PTPRG: variants seen among roughly 807,000 people sequenced by gnomAD.
The protein encoded by PTPRG is receptor-type tyrosine-protein phosphatase gamma.
Under a neutral mutation model 165.3 loss-of-function variants are expected in PTPRG, and 102 were observed. That is an observed-to-expected ratio of 0.62 (90% confidence interval 0.53 to 0.73). PTPRG has a LOEUF of 0.73. Among genes scored for constraint, PTPRG ranks in the 30% least tolerant of loss-of-function variants. The pLI is 0.00. For synonymous variants in PTPRG, 675 were observed against 669.5 expected (o/e 1.01, Z -0.13); for missense variants, 1,866 against 1,861.4 (o/e 1.00, Z -0.05).
chr3:62,189,888 G>A (rs1439905989), intron 8 of PTPRG, among the ~76,000 whole-genome samples: 2 of 152,298 alleles, frequency 1.3e-5, no homozygotes, highest in Middle Eastern at 3.4e-3. Flanking sequence ...TGCCCTGCCT[G>A]CCTGTCTTTT....
chr3:61,676,945 A>G (rs1703253899), intron 1 of PTPRG, among the ~76,000 whole-genome samples: 1 of 152,096 alleles, frequency 6.6e-6, no homozygotes, highest in Admixed American at 6.5e-5. Context: ...ACAATACATT[A>G]AGAATCACTA....
chr3:61,688,523 G>A (rs545339377), intron 1 of PTPRG, among the ~76,000 whole-genome samples: 24 of 152,348 alleles, frequency 1.6e-4, no homozygotes, highest in African/African-American at 4.1e-4. Flanking sequence ...GTTGCACGGC[G>A]GGGAAGGCTC....
chr3:61,993,310 C>T (rs569586498), intron 3 of PTPRG, among the ~76,000 whole-genome samples: 6 of 151,572 alleles, frequency 4.0e-5, no homozygotes, highest in East Asian at 2.0e-4. Context: ...CTCCGCCTCC[C>T]GGGTTTAAGC....
At chr3:62,276,887 T>C (rs1702249196) in intron 24 of PTPRG, 85 bp from the exon 25 acceptor site, 6 of 1,000,770 alleles carry the variant, frequency 6.0e-6, no homozygotes, top group Middle Eastern at 2.1e-4. Context: ...GGATATGTTA[T>C]TCATCAAGCA....
chr3:61,838,227 A>C (rs2036527583), intron 2 of PTPRG, among the ~76,000 whole-genome samples: 1 of 152,224 alleles, frequency 6.6e-6, no homozygotes, highest in East Asian at 1.9e-4. Context: ...TGTGAGAAAT[A>C]GTTAAATGGG....
At chr3:62,170,456 A>C (rs76976985) in intron 8 of PTPRG, among the ~76,000 whole-genome samples, 1,633 of 152,234 alleles carry the variant, frequency 0.011, 31 homozygotes, top group African/African-American at 0.038. Context: ...TTTCCTGAAA[A>C]AATGGGCCAA....
intron 5 of PTPRG, among the ~76,000 whole-genome samples, chr3:62,112,433 A>G (rs947616839): frequency 6.6e-6 from 1 of 152,194 alleles, no homozygotes; most frequent in Admixed American, 6.5e-5. Context: ...CTATGCCTTT[A>G]GGCAAACATT....
chr3:62,067,197 G>C (rs1474067698), intron 4 of PTPRG, among the ~76,000 whole-genome samples: 2 of 152,028 alleles, frequency 1.3e-5, no homozygotes, highest in Non-Finnish European at 2.9e-5. Context: ...TTGACAGGGG[G>C]TGTAGGACAG....
intron 15 of PTPRG, among the ~76,000 whole-genome samples, chr3:62,247,654 G>A (rs1008981250): frequency 6.6e-6 from 1 of 152,120 alleles, no homozygotes; most frequent in Non-Finnish European, 1.5e-5. Flanking sequence ...ACAGGTCTGT[G>A]TGATTTAAAT....
intron 14 of PTPRG, among the ~76,000 whole-genome samples, chr3:62,239,886 A>G (rs1013058144): frequency 1.4e-4 from 21 of 152,156 alleles, no homozygotes; most frequent in African/African-American, 3.9e-4. Context: ...TTAAAATACA[A>G]TGTCATGTGA....
chr3:61,979,824 G>A (rs1175220149), intron 2 of PTPRG, among the ~76,000 whole-genome samples: 2 of 152,188 alleles, frequency 1.3e-5, no homozygotes, highest in Non-Finnish European at 2.9e-5. Context: ...CAGGAAGTGA[G>A]TTAATCATCC....
rs542306888 is a variant in PTPRG, at chr3:62,069,684, T to TCTCTCTCTCTCTCACACA, written c.520-8478_520-8477insTCTCTCTCTCTCACACAC. Among the ~76,000 whole-genome samples, 41 of 145,032 alleles carry TCTCTCTCTCTCTCACACA rather than the reference T, an allele frequency of 2.8e-4. No homozygotes were observed. In the South Asian group the frequency reaches 3.7e-3, roughly 13 times the overall value. On this transcript the variant is annotated intron_variant, in intron 4 of 29. Transcript: ENST00000474889. ...CTCTCTCTCTCTCTCTCTCTCTCTC[T>TCTCTCTCTCTCTCACACA]CACACACAGACACACGCACACACAC...
At chr3:62,239,360 C>CTTTTTT (rs776921598) in intron 14 of PTPRG, among the ~76,000 whole-genome samples, 33 of 124,514 alleles carry the variant, frequency 2.7e-4, no homozygotes, top group African/African-American at 7.3e-4. Flanking sequence ...TTTTTTCTTT[C>CTTTTTT]TTTTTTTTTT....
At chr3:62,280,563 C>G (rs1455189040) in intron 26 of PTPRG, among the ~76,000 whole-genome samples, 2 of 151,912 alleles carry the variant, frequency 1.3e-5, no homozygotes, top group African/African-American at 4.8e-5. Context: ...TCAAAAGATA[C>G]CAAATGTTGG....
At chr3:61,940,907 GC>G (rs2039609157) in intron 2 of PTPRG, among the ~76,000 whole-genome samples, 1 of 151,956 alleles carries the variant, frequency 6.6e-6, no homozygotes, top group Non-Finnish European at 1.5e-5. Context: ...CTCATGATCC[GC>G]CCGCCTCGGC....
At chr3:61,814,646 T>C (rs2035700828) in intron 2 of PTPRG, among the ~76,000 whole-genome samples, 1 of 151,972 alleles carries the variant, frequency 6.6e-6, no homozygotes, top group Admixed American at 6.6e-5. Context: ...CTACCTAGTG[T>C]GCTGCTGCTT....
chr3:62,028,956 C>T (rs552270315), intron 4 of PTPRG, among the ~76,000 whole-genome samples: 166 of 152,246 alleles, frequency 1.1e-3, no homozygotes, highest in Non-Finnish European at 1.6e-3. Context: ...GACCCAGGAA[C>T]GACAACCTCA....
In PTPRG at chr3:62,203,272, G is replaced by A. The variant is rs139904686; in HGVS notation, c.1477G>A (p.Ala493Thr). The A allele has an allele frequency of 6.2e-7, 1 of 1,613,738 alleles. No homozygotes were observed. Among genetic ancestry groups the A allele is most frequent in the African/African-American group, 1.3e-5 (1 of 74,820 alleles). ...SGIPFSFVSM[A>T]TGMGPSSSGS... The stretch of plus-strand genomic sequence containing the variant: ...CATCCCATTCTCATTTGTTTCCATG[G>A]CAACTGGGATGGGCCCCTCCTCCAG... Residue 493 changes from alanine (A) to threonine (T), a missense_variant, in exon 12 of 30, where the codon GCA (alanine) becomes ACA (threonine). Coordinates refer to ENST00000474889, the MANE Select transcript of PTPRG (RefSeq NM_002841.4). This position sits in a 1 kb window ranked among gnomAD's most constrained non-coding sequence, Gnocchi z 6.4.
chr3:62,041,161 C>T (rs1044419849), intron 4 of PTPRG, among the ~76,000 whole-genome samples: 3 of 152,120 alleles, frequency 2.0e-5, no homozygotes, highest in South Asian at 2.1e-4. Flanking sequence ...TCGGCACTTA[C>T]AATATATTCA....
Sources: gnomAD v4.1 joint callset for allele counts (sites outside exome capture counted in the v4.1 genomes callset) on GRCh38, gnomAD v4.1.1 for gene constraint, Gnocchi (gnomAD v3.1) non-coding constraint, MANE v1.5 for transcripts, NCBI Gene and HGNC (gene_info 2026-07-23, HGNC 2026-07-21) for gene names.